The following NOVA1 variants were observed in gnomAD, a reference collection of about 807,000 sequenced individuals.
NOVA1 encodes the protein RNA-binding protein Nova-1.
NOVA1 carries 7 observed loss-of-function variants against 38.0 expected under a neutral mutation model. The ratio of observed to expected loss-of-function variants is 0.18; its 90% CI spans 0.10 to 0.35. NOVA1 has a LOEUF of 0.35. Among genes scored for constraint, NOVA1 ranks in the 10% least tolerant of loss-of-function variants. The pLI, the probability that NOVA1 is intolerant of heterozygous loss-of-function variation, is 1.00. For synonymous variants in NOVA1, 270 were observed against 232.5 expected (o/e 1.16, Z -1.47); for missense variants, 460 against 616.0 (o/e 0.75, Z 2.68).
intron 2 of NOVA1, among the ~76,000 whole-genome samples, chr14:26,583,478 CA>C (rs1293410509): frequency 6.6e-6 from 1 of 151,480 alleles, no homozygotes; most frequent in African/African-American, 2.4e-5. Flanking sequence ...AAAGATTACA[CA>C]GTGAATATTT....
At chr14:26,560,657 T>C (rs973937986) in intron 2 of NOVA1, among the ~76,000 whole-genome samples, 1 of 152,136 alleles carries the variant, frequency 6.6e-6, no homozygotes, top group African/African-American at 2.4e-5. Context: ...TCTAATTGCA[T>C]AGATATTAGA....
chr14:26,507,975 T>C (rs1407965772), intron 2 of NOVA1, among the ~76,000 whole-genome samples: 2 of 151,910 alleles, frequency 1.3e-5, no homozygotes, highest in Non-Finnish European at 2.9e-5. Context: ...GTTATATCAA[T>C]AGAAGAGGAA....
At chr14:26,489,780 G>A (rs541615214) in intron 2 of NOVA1, among the ~76,000 whole-genome samples, 1 of 151,954 alleles carries the variant, frequency 6.6e-6, no homozygotes, top group African/African-American at 2.4e-5. Flanking sequence ...AGGTTACAGT[G>A]ACCAGAGATC....
chr14:26,467,867 A>C (rs1463608237), intron 4 of NOVA1, among the ~76,000 whole-genome samples: 1 of 152,170 alleles, frequency 6.6e-6, no homozygotes, highest in Non-Finnish European at 1.5e-5. Flanking sequence ...AAGTAAGGTC[A>C]TTAGCCGGGA....
intron 2 of NOVA1, among the ~76,000 whole-genome samples, chr14:26,542,640 C>G (rs951319144): frequency 1.3e-5 from 2 of 149,506 alleles, no homozygotes; most frequent in Admixed American, 6.7e-5. Context: ...TTTTTATGAC[C>G]AATAACTTGT....
chr14:26,514,992 A>G (rs1349679885), intron 2 of NOVA1, among the ~76,000 whole-genome samples: 3 of 151,836 alleles, frequency 2.0e-5, no homozygotes, highest in African/African-American at 7.2e-5. Flanking sequence ...CCTACATCTA[A>G]TAACTTTCCT....
intron 2 of NOVA1, among the ~76,000 whole-genome samples, chr14:26,581,074 C>T (rs971321395): frequency 5.3e-5 from 8 of 151,930 alleles, no homozygotes; most frequent in South Asian, 2.1e-4. Flanking sequence ...TACTACATTA[C>T]GCAGATAAAA....
intron 2 of NOVA1, among the ~76,000 whole-genome samples, chr14:26,532,203 G>A (rs1237571211): frequency 2.0e-5 from 3 of 151,958 alleles, no homozygotes; most frequent in Non-Finnish European, 4.4e-5. Flanking sequence ...CAAGATAAAC[G>A]AAAGCATAAC....
At chr14:26,498,070 G>T (rs923821990) in intron 2 of NOVA1, among the ~76,000 whole-genome samples, 7 of 151,990 alleles carry the variant, frequency 4.6e-5, no homozygotes, top group African/African-American at 1.7e-4. Flanking sequence ...AAAATAAAGT[G>T]CTAATATGGG....
chr14:26,494,762 T>C (rs1470924599), intron 2 of NOVA1, among the ~76,000 whole-genome samples: 1 of 152,142 alleles, frequency 6.6e-6, no homozygotes, highest in East Asian at 1.9e-4. Flanking sequence ...ACCTCCCTAG[T>C]CGGAGACACT....
chr14:26,594,488 GT>G lies in NOVA1; in HGVS notation c.280+921del, dbSNP rs1894054274. On this transcript the variant is annotated intron_variant, in intron 2 of 4. Coordinates refer to ENST00000539517, the MANE Select transcript of NOVA1 (RefSeq NM_002515.3). ...TTGGTTCCCTCAGCACTGAATTAAC[GT>G]TTTTGACAGCCATAAAGATAAAATA... is the stretch of plus-strand genomic sequence containing the variant. The G allele has an allele frequency of 2.6e-5, 4 of 151,946 alleles. No individual in the cohort carries two copies. In the South Asian group the frequency reaches 8.3e-4, roughly 32 times the overall value. The allele number at this position is 151,946 out of a possible 1,614,324, so 9.4% of individuals were successfully genotyped here.
Position 26,595,391 on chromosome 14 carries a change from T to C in NOVA1, c.280+19A>G. The C allele has an allele frequency of 6.2e-7, 1 of 1,608,002 alleles. No homozygotes were observed. The highest frequency in any genetic ancestry group is 8.5e-7 in the Non-Finnish European group (1 of 1,177,574). On this transcript the variant is annotated intron_variant, in intron 2 of 4. Coordinates refer to ENST00000539517, the MANE Select transcript of NOVA1 (RefSeq NM_002515.3). The stretch of plus-strand genomic sequence containing the variant: ...CCTGTGGGGAGCTCATCAAACAATC[T>C]CTTCACCATTGCACCTACCTGGGTA...
chr14:26,565,329 G>A (rs1014033453), intron 2 of NOVA1, among the ~76,000 whole-genome samples: 2 of 152,066 alleles, frequency 1.3e-5, no homozygotes, highest in Non-Finnish European at 2.9e-5. Flanking sequence ...TGGATTTCTG[G>A]TATCTCACAG....
chr14:26,480,927 A>T, intron 2 of NOVA1, among the ~76,000 whole-genome samples: 1 of 152,244 alleles, frequency 6.6e-6, no homozygotes, highest in South Asian at 2.1e-4. Context: ...TATTATTAAT[A>T]GTATTTATTT....
chr14:26,584,716 G>A (rs1360619380), intron 2 of NOVA1, among the ~76,000 whole-genome samples: 1 of 151,172 alleles, frequency 6.6e-6, no homozygotes, highest in Non-Finnish European at 1.5e-5. Flanking sequence ...TTCCACTTTT[G>A]TTCACCAAGC....
intron 3 of NOVA1, chr14:26,478,882 G>C (rs1462231969): frequency 6.6e-6 from 1 of 151,630 alleles, no homozygotes; most frequent in East Asian, 1.9e-4. Flanking sequence ...AAAGTAATTA[G>C]TATAAAATTA....
At chr14:26,496,728 C>T (rs1162871295) in intron 2 of NOVA1, among the ~76,000 whole-genome samples, 1 of 152,150 alleles carries the variant, frequency 6.6e-6, no homozygotes, top group Non-Finnish European at 1.5e-5. Context: ...CCAGTTTTCC[C>T]AGCACCATTT....
At chr14:26,541,716 T>G (rs1890476793) in intron 2 of NOVA1, among the ~76,000 whole-genome samples, 1 of 151,536 alleles carries the variant, frequency 6.6e-6, no homozygotes, top group African/African-American at 2.4e-5. Flanking sequence ...AAAATGTATT[T>G]TACTGATGTT....
intron 4 of NOVA1, among the ~76,000 whole-genome samples, chr14:26,471,066 G>A (rs1467421738): frequency 1.4e-5 from 2 of 143,308 alleles, no homozygotes; most frequent in Non-Finnish European, 3.1e-5. Context: ...AAAGAGAAGT[G>A]TTGGGTTTTA....
Sources: allele counts gnomAD v4.1 joint callset (sites outside exome capture counted in the v4.1 genomes callset), GRCh38; gene constraint gnomAD v4.1.1; transcripts MANE v1.5; gene names NCBI Gene and HGNC (gene_info 2026-07-23, HGNC 2026-07-21).